The following ITGB5 variants were observed in gnomAD, a reference collection of about 807,000 sequenced individuals.
ITGB5 encodes the protein integrin beta-5.
Under a neutral mutation model 84.8 loss-of-function variants are expected in ITGB5, and 38 were observed. The ratio of observed to expected loss-of-function variants is 0.45; its 90% CI spans 0.35 to 0.59. The LOEUF (loss-of-function observed/expected upper bound fraction) is 0.59, where lower values mean the gene tolerates loss of function less well. Ranked by LOEUF, ITGB5 falls within the 20% of genes least tolerant of loss-of-function variation. The pLI, the probability that ITGB5 is intolerant of heterozygous loss-of-function variation, is 0.01. For synonymous variants in ITGB5, 393 were observed against 414.4 expected (o/e 0.95, Z 0.63); for missense variants, 905 against 1,034.5 (o/e 0.87, Z 1.72).
intron 11 of ITGB5, among the ~76,000 whole-genome samples, chr3:124,771,748 C>CAAAAAAAAAAAAA (rs59189728): frequency 0.017 from 1,157 of 68,962 alleles, 55 homozygotes; most frequent in African/African-American, 0.044. Context: ...GACCCTGTCT[C>CAAAAAAAAAAAAA]AAAAAAAAAA....
chr3:124,884,475 C>T (rs948343744), intron 1 of ITGB5, among the ~76,000 whole-genome samples: 13 of 151,972 alleles, frequency 8.6e-5, no homozygotes, highest in Non-Finnish European at 1.6e-4. Context: ...CCGAGGCGGG[C>T]GGATCACCTG....
At chr3:124,872,065 G>A (rs569467092) in intron 2 of ITGB5, among the ~76,000 whole-genome samples, 176 of 152,164 alleles carry the variant, frequency 1.2e-3, no homozygotes, top group African/African-American at 4.1e-3. Flanking sequence ...GATCTGCCCT[G>A]CAGGTCATAG....
intron 3 of ITGB5, among the ~76,000 whole-genome samples, chr3:124,850,020 T>G (rs1227820067): frequency 1.3e-5 from 2 of 151,588 alleles, no homozygotes; most frequent in Admixed American, 1.3e-4. Flanking sequence ...ACAGCAAAGG[T>G]GGCCTCACTC....
At chr3:124,794,632 A>T (rs1444709361) in intron 10 of ITGB5, among the ~76,000 whole-genome samples, 2 of 151,644 alleles carry the variant, frequency 1.3e-5, no homozygotes, top group South Asian at 2.1e-4. Flanking sequence ...AAAAAAAAAA[A>T]TTTGCCAGGC....
rs35802279 is a variant in ITGB5, at chr3:124,772,911, C to CTTTTT, written c.1916+774_1916+778dup. 1.0e-3 allele frequency among the ~76,000 whole-genome samples: 129 copies of CTTTTT among 127,302 alleles called. 2 individuals carry two copies. The highest frequency in any genetic ancestry group is 1.3e-3 in the Non-Finnish European group (77 of 61,126). The allele number at this position is 127,302 out of a possible 152,430, so 83.5% of individuals were successfully genotyped here. A position where few individuals can be genotyped will look rare whatever the true frequency, so the allele number is the denominator to read the frequency against. On this transcript the variant is annotated intron_variant, in intron 11 of 14. Transcript: ENST00000296181. ...GTCGGGTGCCTTTCTCTCCAATTTA[C>CTTTTT]TTTTTTTTTTTTTTTTTTTTGAGAC...
intron 9 of ITGB5, among the ~76,000 whole-genome samples, chr3:124,802,034 C>A (rs990184909): frequency 1.3e-5 from 2 of 152,248 alleles, no homozygotes; most frequent in Non-Finnish European, 2.9e-5. Flanking sequence ...AGCCTCAGCT[C>A]CAACAGCTCC....
Position 124,841,555 on chromosome 3 carries a change from G to A in ITGB5, c.612-4C>T, listed in dbSNP as rs2065012258. On this transcript the variant is annotated splice_polypyrimidine_tract_variant and splice_region_variant and intron_variant, in intron 4 of 14. Coordinates refer to ENST00000296181, the MANE Select transcript of ITGB5 (RefSeq NM_002213.5). ...GCAATTTGGAAACAACTTGTAACTA[G>A]AGAGGAAGAAGAGAAGAGTCACTTT... 6.2e-7 allele frequency: 1 copy of A among 1,613,040 alleles called. No homozygotes were observed. The highest frequency in any genetic ancestry group is 8.5e-7 in the Non-Finnish European group (1 of 1,179,496).
At position 124,762,779 on chromosome 3, in the gene ITGB5, C is replaced by T. The variant is rs1379906736; in HGVS notation, c.*844G>A. ...GGCCAAAGGTATCTGCTCAGTGTTC[C>T]CCCTTGCACAGCCCTCACTGCCCCG... On this transcript the variant is annotated 3_prime_UTR_variant, in exon 15 of 15. Transcript: ENST00000296181. The T allele has an allele frequency of 6.6e-6, 1 of 152,166 alleles. No homozygotes were observed. The highest frequency in any genetic ancestry group is 1.5e-5 in the Non-Finnish European group (1 of 68,084). 9.4% of individuals were successfully genotyped at this position (152,166 alleles called of 1,614,324 possible). A position where few individuals can be genotyped will look rare whatever the true frequency, so the allele number is the denominator to read the frequency against.
chr3:124,881,360 T>C (rs1197325934), intron 1 of ITGB5, among the ~76,000 whole-genome samples: 1 of 151,974 alleles, frequency 6.6e-6, no homozygotes, highest in Non-Finnish European at 1.5e-5. Context: ...TACCAAGCAT[T>C]GTGGCTGTGT....
chr3:124,803,006 A>G (rs1329186771), intron 9 of ITGB5, among the ~76,000 whole-genome samples: 3 of 152,120 alleles, frequency 2.0e-5, no homozygotes, highest in Admixed American at 1.3e-4. Context: ...GGCCCATCCA[A>G]TCCCACAGGA....
At chr3:124,892,786 G>A (rs1185730636) in intron 1 of ITGB5, among the ~76,000 whole-genome samples, 10 of 151,048 alleles carry the variant, frequency 6.6e-5, no homozygotes, top group African/African-American at 2.2e-4. Context: ...TTAAAAATCA[G>A]ATTCGTTAAG....
chr3:124,770,150 G>C (rs576356314), intron 11 of ITGB5: 1 of 152,364 alleles, frequency 6.6e-6, no homozygotes, highest in South Asian at 2.1e-4. Flanking sequence ...GAGGTCCCAG[G>C]CTCCTCTGGT....
intron 1 of ITGB5, among the ~76,000 whole-genome samples, chr3:124,880,502 C>A (rs1431841393): frequency 1.3e-5 from 2 of 152,166 alleles, no homozygotes; most frequent in Admixed American, 1.3e-4. Flanking sequence ...GTGATCCCAA[C>A]AATTTGCAAG....
At chr3:124,773,594 G>A (rs1282756949) in intron 11 of ITGB5, 96 bp downstream of exon 11, 1 of 1,065,398 alleles carries the variant, frequency 9.4e-7, no homozygotes, top group Non-Finnish European at 1.4e-6. Context: ...TGCAGGAGGT[G>A]AGGAGTGGAG....
At chr3:124,827,350 C>G (rs1201725343) in intron 5 of ITGB5, among the ~76,000 whole-genome samples, 1 of 152,152 alleles carries the variant, frequency 6.6e-6, no homozygotes, top group Non-Finnish European at 1.5e-5. Flanking sequence ...AGTTAACACA[C>G]AAAAGGGACT....
chr3:124,824,850 C>T (rs975225046), intron 5 of ITGB5, among the ~76,000 whole-genome samples: 3 of 152,074 alleles, frequency 2.0e-5, no homozygotes, highest in African/African-American at 7.2e-5. Flanking sequence ...CCATTAGATC[C>T]GTATTTGAAT....
rs1233689285 is a variant in ITGB5, at chr3:124,830,033, C to T, written c.781-8559G>A. Among the ~76,000 whole-genome samples the T allele has an allele frequency of 2.0e-5, 3 of 152,202 alleles. No individual in the cohort carries two copies. In the East Asian group the frequency reaches 5.8e-4, roughly 29 times the overall value. On this transcript the variant is annotated intron_variant, in intron 5 of 14. Coordinates refer to ENST00000296181, the MANE Select transcript of ITGB5 (RefSeq NM_002213.5). ...CCTCCCAGGAGTGAAGACAGACTCGCTGGCTTGTTCACTTCCAACATCTGG... is the reference window on the plus strand; with the variant it reads ...CCTCCCAGGAGTGAAGACAGACTCGTTGGCTTGTTCACTTCCAACATCTGG...
At chr3:124,886,753 G>A (rs1216123988) in intron 1 of ITGB5, among the ~76,000 whole-genome samples, 178 bp downstream of exon 1, 1 of 151,544 alleles carries the variant, frequency 6.6e-6, no homozygotes, top group Non-Finnish European at 1.5e-5. Context: ...CAGCCCGGCG[G>A]GGCTGCGCGC....
chr3:124,852,293 G>A (rs540789187), intron 3 of ITGB5, among the ~76,000 whole-genome samples: 2 of 152,184 alleles, frequency 1.3e-5, no homozygotes, highest in African/African-American at 4.8e-5. Context: ...TATCCCTGTA[G>A]CTATATCCCT....
Sources: allele counts gnomAD v4.1 joint callset (sites outside exome capture counted in the v4.1 genomes callset), GRCh38; gene constraint gnomAD v4.1.1; transcripts MANE v1.5; gene names NCBI Gene and HGNC (gene_info 2026-07-23, HGNC 2026-07-21).